The following ITPR1 variants were observed in gnomAD, a reference collection of about 807,000 sequenced individuals.
ITPR1 encodes the protein inositol 1,4,5-trisphosphate receptor type 1.
ITPR1 carries 96 observed loss-of-function variants against 318.4 expected under a neutral mutation model. The ratio of observed to expected loss-of-function variants is 0.30; its 90% CI spans 0.26 to 0.36. The LOEUF (loss-of-function observed/expected upper bound fraction) is 0.36. ITPR1 is among the 10% of genes least tolerant of loss of function. The pLI is 1.00. For synonymous variants in ITPR1, 1,312 were observed against 1,289.9 expected (o/e 1.02, Z -0.37); for missense variants, 2,440 against 3,460.2 (o/e 0.71, Z 7.40).
chr3:4,774,555 T>TTAAATTAA, intron 46 of ITPR1, among the ~76,000 whole-genome samples: 1 of 152,120 alleles, frequency 6.6e-6, no homozygotes, highest in Non-Finnish European at 1.5e-5. Flanking sequence ...TAAAATACTC[T>TTAAATTAA]ATTTCTCAAG....
chr3:4,802,724 G>A (rs1025397536), intron 54 of ITPR1, among the ~76,000 whole-genome samples: 16 of 152,106 alleles, frequency 1.1e-4, no homozygotes, highest in African/African-American at 3.9e-4. Context: ...AGCTACTTGG[G>A]AGGCTGAGGC....
In ITPR1 at chr3:4,699,908, C is replaced by T. The variant is rs766557568; in HGVS notation, c.4503C>T (p.Ser1501=). ...IVMSIVTTFF[S]SPFSDQSTTL... ...TGAGTATTGTTACTACTTTCTTCAG[C>T]TCTCCCTTCTCAGACCAGAGTACGA... Residue 1501 remains serine (S), a synonymous_variant, in exon 35 of 62, where the codon AGC becomes AGT. Coordinates refer to ENST00000649015, the MANE Select transcript of ITPR1 (RefSeq NM_001378452.1). 5.0e-6 allele frequency: 8 copies of T among 1,613,810 alleles called. No individual in the cohort carries two copies. Among genetic ancestry groups the T allele is most frequent in the Non-Finnish European group, 5.9e-6 (7 of 1,179,704 alleles).
chr3:4,735,792 T>G (rs186647084), intron 44 of ITPR1, among the ~76,000 whole-genome samples: 1 of 152,356 alleles, frequency 6.6e-6, no homozygotes, highest in Admixed American at 6.5e-5. Flanking sequence ...ATACCACAGC[T>G]GTTGCTTCTG....
chr3:4,511,536 C>G (rs1304328539), intron 2 of ITPR1, among the ~76,000 whole-genome samples: 1 of 152,202 alleles, frequency 6.6e-6, no homozygotes. Flanking sequence ...TCTGATAGTA[C>G]TATTATATAT....
At chr3:4,717,111 T>A (rs550193461) in intron 39 of ITPR1, among the ~76,000 whole-genome samples, 1 of 152,288 alleles carries the variant, frequency 6.6e-6, no homozygotes, top group South Asian at 2.1e-4. Flanking sequence ...TCTGCACATG[T>A]GGTTAAGTGA....
chr3:4,501,753 TG>T (rs972431829), intron 2 of ITPR1, among the ~76,000 whole-genome samples: 95 of 152,312 alleles, frequency 6.2e-4, no homozygotes, highest in African/African-American at 2.3e-3. Flanking sequence ...TGCTTACATT[TG>T]GGGGAGCTTT....
chr3:4,581,017 T>C (rs139650366), intron 4 of ITPR1, among the ~76,000 whole-genome samples: 101 of 152,334 alleles, frequency 6.6e-4, no homozygotes, highest in Non-Finnish European at 1.1e-3. Flanking sequence ...CTTAATTGTG[T>C]TGACCTGGGA....
At chr3:4,803,653 A>G (rs2048378531) in intron 54 of ITPR1, among the ~76,000 whole-genome samples, 1 of 152,188 alleles carries the variant, frequency 6.6e-6, no homozygotes, top group South Asian at 2.1e-4. Context: ...TACATAAACA[A>G]CTAGGTAGAA....
intron 44 of ITPR1, among the ~76,000 whole-genome samples, chr3:4,764,615 C>A (rs1018737525): frequency 1.3e-5 from 2 of 152,156 alleles, no homozygotes; most frequent in Admixed American, 6.5e-5. Flanking sequence ...TTGGGAGCTG[C>A]TGTAGGGGCA....
intron 1 of ITPR1, 145 bp from the exon 2 acceptor site, chr3:4,494,286 C>A (rs980653710): frequency 2.6e-5 from 4 of 152,380 alleles, no homozygotes; most frequent in Admixed American, 6.5e-5. Flanking sequence ...GCGATCCCAC[C>A]AACCTGCCTA....
intron 60 of ITPR1, among the ~76,000 whole-genome samples, chr3:4,829,997 G>A (rs1446632510): frequency 3.9e-4 from 46 of 117,006 alleles, no homozygotes; most frequent in African/African-American, 1.3e-3. Context: ...TGTGTGAAAC[G>A]GAGTCCTGCT....
At chr3:4,673,034 C>A in intron 20 of ITPR1, 102 bp from the exon 21 acceptor site, 1 of 1,322,690 alleles carries the variant, frequency 7.6e-7, no homozygotes, top group Non-Finnish European at 1.0e-6. Context: ...GTTTAGTTGG[C>A]CAAATGTCAC....
chr3:4,609,988 C>A (rs116151412), intron 4 of ITPR1, among the ~76,000 whole-genome samples: 1 of 152,154 alleles, frequency 6.6e-6, no homozygotes, highest in East Asian at 1.9e-4. Flanking sequence ...GAGGGGGGAC[C>A]AGGTCAGCTG....
At position 4,813,128 on chromosome 3, in the gene ITPR1, C is replaced by T; in HGVS notation, c.7469-14C>T. ...GCCAGATTGTTCATCATAAAATTTC[C>T]TTCTCTCTCCCAGAAACCGGCGAGA... On this transcript the variant is annotated splice_polypyrimidine_tract_variant and intron_variant, in intron 56 of 61. Coordinates refer to ENST00000649015, the MANE Select transcript of ITPR1 (RefSeq NM_001378452.1). 6.2e-7 allele frequency: 1 copy of T among 1,610,100 alleles called. No homozygotes were observed. Among genetic ancestry groups the T allele is most frequent in the Non-Finnish European group, 8.5e-7 (1 of 1,176,416 alleles).
intron 5 of ITPR1, among the ~76,000 whole-genome samples, chr3:4,634,221 T>C (rs1038577258): frequency 2.0e-5 from 3 of 148,900 alleles, no homozygotes; most frequent in African/African-American, 7.4e-5. Flanking sequence ...TGCCTTTTTC[T>C]TTTTTTTTTG....
intron 4 of ITPR1, among the ~76,000 whole-genome samples, chr3:4,541,825 C>T (rs2084486656): frequency 6.6e-6 from 1 of 152,102 alleles, no homozygotes; most frequent in African/African-American, 2.4e-5. Flanking sequence ...GGGATTTCAC[C>T]ATGTTGGCCA....
At chr3:4,634,300 G>C (rs940404861) in intron 5 of ITPR1, among the ~76,000 whole-genome samples, 2 of 151,912 alleles carry the variant, frequency 1.3e-5, no homozygotes, top group African/African-American at 2.4e-5. Flanking sequence ...TGCAGCCTCA[G>C]CCTCCTGAGC....
In ITPR1 at chr3:4,609,051, AATATATATATATATATATATAT is replaced by A. The variant is rs754002503; in HGVS notation, c.164-18694_164-18673del. Among the ~76,000 whole-genome samples, 31 of 46,570 alleles carry A rather than the reference AATATATATATATATATATATAT, an allele frequency of 6.7e-4. 1 individual carries two copies. In the South Asian group the frequency reaches 0.012, roughly 18 times the overall value. The allele number at this position is 46,570 out of a possible 152,430, so 30.6% of individuals were successfully genotyped here. A position where few individuals can be genotyped will look rare whatever the true frequency, so the allele number is the denominator to read the frequency against. On this transcript the variant is annotated intron_variant, in intron 4 of 61. Transcript: ENST00000649015. ...CAAAAGAAAACAACAACAACAACGA[AATATATATATATATATATATAT>A]ATATATATATATATATACACACACA...
intron 60 of ITPR1, among the ~76,000 whole-genome samples, chr3:4,834,974 G>A (rs1041595227): frequency 3.3e-5 from 5 of 152,190 alleles, no homozygotes; most frequent in African/African-American, 1.2e-4. Context: ...TTTGTTATTA[G>A]GGTGCATGCA....
Sources: allele counts gnomAD v4.1 joint callset (sites outside exome capture counted in the v4.1 genomes callset), GRCh38; gene constraint gnomAD v4.1.1; transcripts MANE v1.5; gene names NCBI Gene and HGNC (gene_info 2026-07-23, HGNC 2026-07-21).